The following UGT1A10 variants were observed in gnomAD, a reference collection of about 807,000 sequenced individuals.
UGT1A10 encodes the protein UDP-glucuronosyltransferase 1A10.
In UGT1A10, 49 loss-of-function variants were observed where a neutral mutation model predicts 45.8. The ratio of observed to expected loss-of-function variants is 1.07; its 90% confidence interval spans 0.85 to 1.36. UGT1A10 has a LOEUF of 1.36. Among genes scored for constraint, UGT1A10 ranks in the 40% most tolerant of loss-of-function variants. The probability of loss-of-function intolerance (pLI) is 0.00; values close to 1 mark genes in which losing one functional copy is unlikely to be tolerated. For missense variants in UGT1A10, 745 were observed against 668.6 expected (o/e 1.11, Z -1.26); for synonymous variants, 284 against 249.7 (o/e 1.14, Z -1.29).
At position 233,755,083 on chromosome 2, in the gene UGT1A10, C is replaced by T. The variant is rs755765570; in HGVS notation, c.856-11951C>T. ...GCCTCGCCATAGCGGTCATAGATAT[C>T]GCGTTTCTACGCGTCCGACAACACC... On this transcript the variant is annotated intron_variant, in intron 1 of 4. Transcript: ENST00000344644. The T allele has an allele frequency of 3.0e-6, 4 of 1,335,262 alleles. No individual in the cohort carries two copies. In the South Asian group the frequency reaches 3.4e-5, roughly 11 times the overall value. 82.7% of individuals were successfully genotyped at this position (1,335,262 alleles called of 1,614,324 possible). A position where few individuals can be genotyped will look rare whatever the true frequency, so the allele number is the denominator to read the frequency against.
intron 1 of UGT1A10, among the ~76,000 whole-genome samples, chr2:233,759,231 T>G (rs911541986): frequency 6.6e-6 from 1 of 152,228 alleles, no homozygotes; most frequent in African/African-American, 2.4e-5. Context: ...AAATGAAGGA[T>G]GGAAACTTGC....
chr2:233,655,763 C>T (rs928850406), intron 1 of UGT1A10, among the ~76,000 whole-genome samples: 5 of 152,138 alleles, frequency 3.3e-5, no homozygotes, highest in African/African-American at 1.2e-4. Context: ...AGAGCCCCAT[C>T]CCTGCAAGAG....
At chr2:233,698,470 T>A (rs1004128729) in intron 1 of UGT1A10, among the ~76,000 whole-genome samples, 3 of 152,212 alleles carry the variant, frequency 2.0e-5, no homozygotes, top group Non-Finnish European at 4.4e-5. Context: ...AAGCCCTGAT[T>A]TATAGCTTAA....
intron 1 of UGT1A10, chr2:233,672,258 A>G (rs759267504): frequency 3.7e-6 from 6 of 1,614,080 alleles, no homozygotes; most frequent in Admixed American, 1.7e-5. Context: ...TATATTCTCT[A>G]TTAATGGGTT....
At chr2:233,679,600 A>G (rs184238893) in intron 1 of UGT1A10, among the ~76,000 whole-genome samples, 52 of 152,000 alleles carry the variant, frequency 3.4e-4, no homozygotes, top group African/African-American at 1.2e-3. Context: ...TGTCATCTGT[A>G]TTAAAACCCT....
In UGT1A10 at chr2:233,743,654, T is replaced by A. The variant is rs777818492; in HGVS notation, c.856-23380T>A. The A allele has an allele frequency of 2.2e-6, 3 of 1,367,166 alleles. No homozygotes were observed. In the East Asian group the frequency reaches 1.4e-4, roughly 62 times the overall value. 84.7% of individuals were successfully genotyped at this position (1,367,166 alleles called of 1,614,324 possible). A position where few individuals can be genotyped will look rare whatever the true frequency, so the allele number is the denominator to read the frequency against. ...TGGGTCGCGGAAGCTGAAGACGTAC[T>A]CGAAGGGGTCCTCGAAGGGCCTGCC... is the stretch of plus-strand genomic sequence containing the variant. On this transcript the variant is annotated intron_variant, in intron 1 of 4. Transcript: ENST00000344644.
At chr2:233,690,895 A>T (rs2075020121) in intron 1 of UGT1A10, 1 of 1,035,548 alleles carries the variant, frequency 9.7e-7, no homozygotes, top group African/African-American at 1.7e-5. Context: ...AAGGGATGGT[A>T]TGCATAGTGA....
intron 1 of UGT1A10, chr2:233,693,494 G>A (rs1459595620): frequency 6.2e-7 from 1 of 1,614,090 alleles, no homozygotes; most frequent in East Asian, 2.2e-5. Flanking sequence ...TGAGTATTTG[G>A]GCCTACCATC....
At chr2:233,734,739 A>C (rs1237187845) in intron 1 of UGT1A10, among the ~76,000 whole-genome samples, 2 of 152,196 alleles carry the variant, frequency 1.3e-5, no homozygotes, top group East Asian at 1.9e-4. Context: ...GTTTCAAAGA[A>C]CATCTTTATT....
intron 1 of UGT1A10, among the ~76,000 whole-genome samples, chr2:233,757,986 C>T (rs2125961594): frequency 6.6e-6 from 1 of 152,224 alleles, no homozygotes; most frequent in South Asian, 2.1e-4. Context: ...GAGCACCATC[C>T]CCTGTAATTG....
At chr2:233,693,702 C>T in intron 1 of UGT1A10, 1 of 1,614,214 alleles carries the variant, frequency 6.2e-7, no homozygotes, top group Middle Eastern at 1.6e-4. Context: ...GAAGAACTCG[C>T]ATCAGCTGTC....
At chr2:233,736,786 G>A (rs774557184) in intron 1 of UGT1A10, among the ~76,000 whole-genome samples, 1 of 152,166 alleles carries the variant, frequency 6.6e-6, no homozygotes, top group Non-Finnish European at 1.5e-5. Context: ...CTCAGCTGCA[G>A]GTCTGTTGGA....
chr2:233,760,435 C>G (rs2125984030), intron 1 of UGT1A10: 1 of 1,614,234 alleles, frequency 6.2e-7, no homozygotes, highest in Non-Finnish European at 8.5e-7. Flanking sequence ...CATCCAGCAG[C>G]TGCAGCAGAG....
rs191471887 is a variant in UGT1A10, at chr2:233,760,476, C to T, written c.856-6558C>T. 6.3e-5 allele frequency: 102 copies of T among 1,614,200 alleles called. 1 individual carries two copies. In the East Asian group the frequency reaches 1.9e-3, roughly 30 times the overall value. On this transcript the variant is annotated intron_variant, in intron 1 of 4. Transcript: ENST00000344644. ...ATGAAATAGTTGTCCTAGCACCTGA[C>T]GCCTCGTTGTACATCAGAGACGGAG...
chr2:233,747,198 C>G, intron 1 of UGT1A10: 10 of 1,604,166 alleles, frequency 6.2e-6, no homozygotes, highest in South Asian at 1.1e-5. Context: ...GTCAGCTGTC[C>G]GTGTCTTCTG....
At chr2:233,716,751 G>A (rs900841882) in intron 1 of UGT1A10, among the ~76,000 whole-genome samples, 2 of 152,184 alleles carry the variant, frequency 1.3e-5, no homozygotes, top group African/African-American at 4.8e-5. Flanking sequence ...GATTGGGAGA[G>A]GGGAGCTAGA....
chr2:233,772,680 C>G lies in UGT1A10; in HGVS notation c.*121C>G. 6.5e-7 allele frequency: 1 copy of G among 1,530,096 alleles called. No individual in the cohort carries two copies. The highest frequency in any genetic ancestry group is 8.8e-7 in the Non-Finnish European group (1 of 1,141,550). 94.8% of individuals were successfully genotyped at this position (1,530,096 alleles called of 1,614,324 possible). Reference sequence around the variant, plus strand: ...AAGGAAATACTTTGCATAAATTAATCAGCCCCAGAGTGCTTTAAAAAATTC... The same window carrying G: ...AAGGAAATACTTTGCATAAATTAATGAGCCCCAGAGTGCTTTAAAAAATTC... On this transcript the variant is annotated 3_prime_UTR_variant, in exon 5 of 5. Transcript: ENST00000344644.
rs180748838 is a variant in UGT1A10, at chr2:233,756,669, G to A, written c.856-10365G>A. ...AACATGGGATGCAGTGATTATTTCC[G>A]CTAGAACTGCTATATAATGACGATG... On this transcript the variant is annotated intron_variant, in intron 1 of 4. Transcript: ENST00000344644. 6.9e-4 allele frequency among the ~76,000 whole-genome samples: 105 copies of A among 152,198 alleles called. No homozygotes were observed. In the South Asian group the frequency reaches 9.1e-3, roughly 13 times the overall value.
chr2:233,741,958 T>C (rs4663965), intron 1 of UGT1A10: 83,397 of 151,744 alleles, frequency 0.55, 25,208 homozygotes, highest in African/African-American at 0.8. Flanking sequence ...GGTACTTTCT[T>C]GTTGTGTTTA....
Sources: allele counts gnomAD v4.1 joint callset (sites outside exome capture counted in the v4.1 genomes callset), GRCh38; gene constraint gnomAD v4.1.1; transcripts MANE v1.5; gene names NCBI Gene and HGNC (gene_info 2026-07-23, HGNC 2026-07-21).